Variants in MAP3K15 observed in about 807,000 individuals in gnomAD.
MAP3K15 encodes mitogen-activated protein kinase kinase kinase 15.
A neutral mutation model predicts 99.5 loss-of-function variants in MAP3K15; 124 were observed. That is an observed-to-expected ratio of 1.25 (90% CI 1.08 to 1.45). The LOEUF is 1.45. Ranked by LOEUF, MAP3K15 falls within the 40% of genes most tolerant of loss-of-function variation. The pLI is 0.00. For synonymous variants in MAP3K15, 494 were observed against 439.6 expected, an observed-to-expected ratio of 1.12 and a Z score of -1.55; for missense variants, 1,242 against 1,079.7, an observed-to-expected ratio of 1.15 and a Z score of -2.11.
rs187002654 is a variant in MAP3K15 at position 19,434,598 on chromosome X, T to C, written c.996-2990A>G. Reference sequence around the variant, plus strand: ...ATGCACCTCAAAAACTACTGCATCATCCCAGATGTCAAATTAGTATCTAAA... The same window carrying C: ...ATGCACCTCAAAAACTACTGCATCACCCCAGATGTCAAATTAGTATCTAAA... On this transcript the variant is annotated intron_variant, in intron 6 of 28. Transcript: ENST00000338883. Among the ~76,000 whole-genome samples, 325 of 111,272 alleles carry C rather than the reference T, an allele frequency of 2.9e-3. 1 individual carries two copies. The highest frequency in any genetic ancestry group is 5.4e-3 in the Non-Finnish European group (286 of 53,064).
intron 5 of MAP3K15, among the ~76,000 whole-genome samples, chrX:19,459,036 T>C (rs2064113316): frequency 8.9e-6 from 1 of 112,025 alleles, no homozygotes; most frequent in Non-Finnish European, 1.9e-5. Context: ...CTGATGCTTG[T>C]CTCAGAATAA....
intron 13 of MAP3K15, among the ~76,000 whole-genome samples, chrX:19,400,898 T>C (rs1039100293): frequency 2.7e-5 from 3 of 111,705 alleles, no homozygotes; most frequent in African/African-American, 6.5e-5. Context: ...GGTTGACCAA[T>C]TGATGCTTGA....
At chrX:19,412,713 G>A (rs1268456138) in intron 11 of MAP3K15, among the ~76,000 whole-genome samples, 2 of 111,288 alleles carry the variant, frequency 1.8e-5, no homozygotes, top group East Asian at 2.8e-4. Flanking sequence ...AAGAAAGCCA[G>A]TATAAGTGCT....
chrX:19,510,404 C>T (rs1401869447), intron 1 of MAP3K15, among the ~76,000 whole-genome samples: 2 of 112,104 alleles, frequency 1.8e-5, no homozygotes, highest in African/African-American at 3.2e-5. Flanking sequence ...CGCAAATCAA[C>T]AAACATAATC....
intron 6 of MAP3K15, among the ~76,000 whole-genome samples, chrX:19,435,872 G>A (rs1216567452): frequency 1.8e-5 from 2 of 112,610 alleles, no homozygotes; most frequent in Admixed American, 1.9e-4. Flanking sequence ...TCACCTGGGA[G>A]GCTGGGCGTG....
intron 25 of MAP3K15, among the ~76,000 whole-genome samples, chrX:19,365,163 T>C (rs1453313224): frequency 3.7e-5 from 4 of 106,847 alleles, no homozygotes; most frequent in African/African-American, 1.0e-4. Context: ...GAGCAGAGAT[T>C]GCACCACTGC....
At chrX:19,493,985 G>A (rs1421228997) in intron 1 of MAP3K15, among the ~76,000 whole-genome samples, 1 of 111,056 alleles carries the variant, frequency 9.0e-6, no homozygotes, top group Non-Finnish European at 1.9e-5. Flanking sequence ...AGATAAAAAG[G>A]AAGAGATAAA....
At chrX:19,424,430 T>C (rs1269115618) in intron 9 of MAP3K15, among the ~76,000 whole-genome samples, 1 of 109,797 alleles carries the variant, frequency 9.1e-6, no homozygotes, top group Non-Finnish European at 1.9e-5. Context: ...AATCCAATAC[T>C]GTCCACCCCT....
chrX:19,397,262 G>A (rs1426629800), intron 15 of MAP3K15, among the ~76,000 whole-genome samples: 1 of 111,013 alleles, frequency 9.0e-6, no homozygotes, highest in Non-Finnish European at 1.9e-5. Flanking sequence ...CAGTACTCAT[G>A]GTAGAAAAAC....
chrX:19,503,121 G>A (rs1326868737), intron 1 of MAP3K15, among the ~76,000 whole-genome samples: 1 of 111,661 alleles, frequency 9.0e-6, no homozygotes, highest in Non-Finnish European at 1.9e-5. Flanking sequence ...TGACAATGAG[G>A]GAGAGAGTGG....
chrX:19,424,291 TACACATATATATAC>T (rs752722488), intron 9 of MAP3K15, among the ~76,000 whole-genome samples: 2 of 98,574 alleles, frequency 2.0e-5, no homozygotes, highest in African/African-American at 4.4e-5. Context: ...CACATATATA[TACACATATATATAC>T]ACACATATAT....
intron 6 of MAP3K15, among the ~76,000 whole-genome samples, chrX:19,451,379 A>G (rs931765440): frequency 9.4e-6 from 1 of 106,725 alleles, no homozygotes; most frequent in African/African-American, 3.3e-5. Context: ...AAGTCAACCT[A>G]TACAATATAG....
chrX:19,514,047 C>T (rs972544046), intron 1 of MAP3K15, among the ~76,000 whole-genome samples: 2 of 111,385 alleles, frequency 1.8e-5, no homozygotes, highest in African/African-American at 6.5e-5. Context: ...TCACACTCCA[C>T]CGTCAGTGTT....
In MAP3K15 at chrX:19,400,000, T is replaced by C. The variant is rs146766564; in HGVS notation, c.1932+576A>G. Among the ~76,000 whole-genome samples the C allele has an allele frequency of 9.7e-3, 1,084 of 111,352 alleles. 12 individuals are homozygous for C. Among genetic ancestry groups the C allele is most frequent in the African/African-American group, 0.034 (1,032 of 30,680 alleles). On this transcript the variant is annotated intron_variant, in intron 14 of 28. Coordinates refer to ENST00000338883, the MANE Select transcript of MAP3K15 (RefSeq NM_001001671.4). Reference sequence around the variant, plus strand: ...TCTGAAAGAAACATTAAGGAATTCCTTTCAGTCTAACCTGAAAGTACAGTA... The same window carrying C: ...TCTGAAAGAAACATTAAGGAATTCCCTTCAGTCTAACCTGAAAGTACAGTA...
At chrX:19,508,250 C>T in intron 1 of MAP3K15, among the ~76,000 whole-genome samples, 1 of 111,804 alleles carries the variant, frequency 8.9e-6, no homozygotes, top group Non-Finnish European at 1.9e-5. Flanking sequence ...TGGCTCACTG[C>T]AACCTCTGCC....
chrX:19,414,748 A>C (rs1242726616), intron 10 of MAP3K15, among the ~76,000 whole-genome samples: 1 of 111,645 alleles, frequency 9.0e-6, no homozygotes, highest in Non-Finnish European at 1.9e-5. Flanking sequence ...TCTTTATTGG[A>C]GGGGGCTGTC....
At chrX:19,376,514 T>C (rs1292633221) in intron 19 of MAP3K15, among the ~76,000 whole-genome samples, 1 of 109,889 alleles carries the variant, frequency 9.1e-6, no homozygotes, top group Non-Finnish European at 1.9e-5. Context: ...AGCATGATCA[T>C]AGCTCACTGC....
In MAP3K15 at chrX:19,369,155, C is replaced by T. The variant is rs377402616; in HGVS notation, c.3465G>A (p.Ala1155=). ...CGGTGGCTGGGGGATAGCCCTCTTC[C>T]GCTTCATCCATGTCCTTATCTACCC... is the stretch of plus-strand genomic sequence containing the variant. ...TEGVDKDMDE[A]EEGYPPATGP... Residue 1155 remains alanine (A), a synonymous_variant, in exon 25 of 29, where the codon GCG becomes GCA. Transcript: ENST00000338883. 1.2e-4 allele frequency: 150 copies of T among 1,209,296 alleles called. No individual in the cohort carries two copies. The highest frequency in any genetic ancestry group is 9.9e-4 in the South Asian group (56 of 56,820).
At chrX:19,464,089 G>T in intron 4 of MAP3K15, 124 bp downstream of exon 4, 1 of 537,952 alleles carries the variant, frequency 1.9e-6, no homozygotes, top group Non-Finnish European at 2.9e-6. Context: ...AGCTAAGTGA[G>T]CCAGTAAGGG....
Sources: gnomAD v4.1 joint callset for allele counts (sites outside exome capture counted in the v4.1 genomes callset) on GRCh38, gnomAD v4.1.1 for gene constraint, MANE v1.5 for transcripts, NCBI Gene and HGNC (gene_info 2026-07-23, HGNC 2026-07-21) for gene names.